MEI4: variants seen among roughly 807,000 people sequenced by gnomAD.
MEI4 encodes the protein meiotic double-stranded break formation protein 4, also known as meiosis-specific protein MEI4.
MEI4 carries 27 observed loss-of-function variants against 31.4 expected under a neutral mutation model. The ratio of observed to expected loss-of-function variants is 0.86; its 90% CI spans 0.63 to 1.19. MEI4 has a LOEUF of 1.19. MEI4 is among the 50% of genes most tolerant of loss of function. The probability of loss-of-function intolerance (pLI) is 0.00; values close to 1 mark genes in which losing one functional copy is unlikely to be tolerated. For synonymous variants in MEI4, 122 were observed against 145.4 expected (o/e 0.84, Z 1.16); for missense variants, 329 against 398.9 (o/e 0.82, Z 1.49).
chr6:77,731,552 T>C (rs1312514915), intron 2 of MEI4, among the ~76,000 whole-genome samples: 5 of 151,576 alleles, frequency 3.3e-5, no homozygotes, highest in East Asian at 3.9e-4. Flanking sequence ...GAGTAGGTTG[T>C]GAAAATTTTC....
chr6:77,735,911 C>T (rs1019442597), intron 2 of MEI4, among the ~76,000 whole-genome samples: 2 of 151,828 alleles, frequency 1.3e-5, no homozygotes, highest in Admixed American at 6.6e-5. Context: ...TGTCAGTCTG[C>T]CCCTGCTGGG....
At chr6:77,663,367 A>C (rs951756919) in intron 1 of MEI4, among the ~76,000 whole-genome samples, 3 of 151,866 alleles carry the variant, frequency 2.0e-5, no homozygotes, top group Admixed American at 6.6e-5. Flanking sequence ...TCGGTCGCCA[A>C]GGAGGGAGTA....
intron 2 of MEI4, among the ~76,000 whole-genome samples, chr6:77,709,023 G>T (rs1582046261): frequency 6.6e-6 from 1 of 152,176 alleles, no homozygotes; most frequent in Non-Finnish European, 1.5e-5. Context: ...CTTATAAAGG[G>T]TGAGGAAAGA....
chr6:77,881,695 T>C (rs1771494242), intron 4 of MEI4, among the ~76,000 whole-genome samples: 4 of 152,182 alleles, frequency 2.6e-5, no homozygotes, highest in Admixed American at 2.0e-4. Flanking sequence ...GGATGGCCTA[T>C]GCCATCTTCT....
chr6:77,729,735 AAGAC>A (rs1561961215), intron 2 of MEI4, among the ~76,000 whole-genome samples: 1 of 152,186 alleles, frequency 6.6e-6, no homozygotes, highest in Non-Finnish European at 1.5e-5. Flanking sequence ...ATTTACTTAA[AAGAC>A]AGTTTTCTGG....
At chr6:77,670,083 A>G (rs1283513292) in intron 1 of MEI4, among the ~76,000 whole-genome samples, 1 of 152,180 alleles carries the variant, frequency 6.6e-6, no homozygotes, top group Non-Finnish European at 1.5e-5. Context: ...TTCGCAAGAC[A>G]GACCCTTTCA....
chr6:77,698,198 G>T (rs1369871966), intron 2 of MEI4, among the ~76,000 whole-genome samples: 1 of 152,084 alleles, frequency 6.6e-6, no homozygotes, highest in East Asian at 1.9e-4. Flanking sequence ...ATAGCACACT[G>T]ATGGGTCTTG....
At chr6:77,697,131 A>G (rs918181022) in intron 2 of MEI4, among the ~76,000 whole-genome samples, 16 of 152,036 alleles carry the variant, frequency 1.1e-4, no homozygotes, top group Admixed American at 7.9e-4. Flanking sequence ...ATCATTTTTT[A>G]TTGTGTCTAT....
At chr6:77,835,382 ACACAC>A in intron 4 of MEI4, among the ~76,000 whole-genome samples, 1 of 131,832 alleles carries the variant, frequency 7.6e-6, no homozygotes, top group African/African-American at 2.8e-5. Context: ...AAACACACAC[ACACAC>A]ACACACACAC....
At chr6:77,831,501 A>G (rs1770078926) in intron 4 of MEI4, among the ~76,000 whole-genome samples, 1 of 149,756 alleles carries the variant, frequency 6.7e-6, no homozygotes, top group Non-Finnish European at 1.5e-5. Flanking sequence ...ATGAATAAAG[A>G]TAATTTTATA....
intron 2 of MEI4, among the ~76,000 whole-genome samples, chr6:77,736,956 T>C (rs1475113507): frequency 6.6e-6 from 1 of 151,056 alleles, no homozygotes; most frequent in Non-Finnish European, 1.5e-5. Flanking sequence ...GGGAACAATG[T>C]AAAGTATAGG....
chr6:77,817,775 T>C (rs943211780), intron 3 of MEI4, among the ~76,000 whole-genome samples: 1 of 152,136 alleles, frequency 6.6e-6, no homozygotes, highest in Non-Finnish European at 1.5e-5. Flanking sequence ...TTCTTCCATA[T>C]ATAGGACTGA....
Position 77,926,292 on chromosome 6 carries a change from AG to A in MEI4, c.*2948del, listed in dbSNP as rs1272462581. On this transcript the variant is annotated 3_prime_UTR_variant, in exon 5 of 5. Transcript: ENST00000684080. ...GTTGTCCTATCTATAAGTAAACCAG[AG>A]GAACAGCATCTTTGACCTTTTCAGG... is the stretch of plus-strand genomic sequence containing the variant. The A allele has an allele frequency of 6.6e-6, 1 of 151,948 alleles. No individual in the cohort carries two copies. Among genetic ancestry groups the A allele is most frequent in the Admixed American group, 6.6e-5 (1 of 15,200 alleles). 9.4% of individuals were successfully genotyped at this position (151,948 alleles called of 1,614,324 possible).
At chr6:77,663,389 T>C (rs2127642980) in intron 1 of MEI4, among the ~76,000 whole-genome samples, 1 of 151,956 alleles carries the variant, frequency 6.6e-6, no homozygotes, top group South Asian at 2.1e-4. Flanking sequence ...AGGTGTCCTA[T>C]ACTTGTGGGT....
intron 4 of MEI4, among the ~76,000 whole-genome samples, chr6:77,845,048 C>T (rs527982299): frequency 1.3e-5 from 2 of 152,114 alleles, no homozygotes; most frequent in Admixed American, 1.3e-4. Flanking sequence ...CTACCTTGCC[C>T]TGTGAGTCTT....
At chr6:77,764,827 A>C (rs1473893135) in intron 3 of MEI4, among the ~76,000 whole-genome samples, 1 of 152,208 alleles carries the variant, frequency 6.6e-6, no homozygotes, top group Non-Finnish European at 1.5e-5. Context: ...ATTGACAAGT[A>C]TGTAGAAACT....
chr6:77,857,629 TAAA>T (rs1231340638), intron 4 of MEI4, among the ~76,000 whole-genome samples: 1 of 152,164 alleles, frequency 6.6e-6, no homozygotes, highest in East Asian at 1.9e-4. Context: ...CTTGTCACTT[TAAA>T]TCACTGGGGC....
intron 3 of MEI4, among the ~76,000 whole-genome samples, chr6:77,811,822 T>G (rs918583252): frequency 6.6e-6 from 1 of 152,124 alleles, no homozygotes; most frequent in African/African-American, 2.4e-5. Flanking sequence ...AGAAGTTATA[T>G]TTGGCAGGAC....
At chr6:77,891,050 C>A (rs2127732029) in intron 4 of MEI4, among the ~76,000 whole-genome samples, 1 of 152,262 alleles carries the variant, frequency 6.6e-6, no homozygotes, top group East Asian at 1.9e-4. Flanking sequence ...ACAGATACTT[C>A]TTTCTTGCTG....
Sources: allele counts gnomAD v4.1 joint callset (sites outside exome capture counted in the v4.1 genomes callset), GRCh38; gene constraint gnomAD v4.1.1; transcripts MANE v1.5; gene names NCBI Gene and HGNC (gene_info 2026-07-23, HGNC 2026-07-21).